The following SPATA17 variants were observed in gnomAD, a reference collection of about 807,000 sequenced individuals.
SPATA17 encodes spermatogenesis associated 17.
SPATA17 carries 53 observed loss-of-function variants against 62.2 expected under a neutral mutation model. The ratio of observed to expected loss-of-function variants is 0.85; its 90% confidence interval spans 0.68 to 1.07. The LOEUF (loss-of-function observed/expected upper bound fraction) is 1.07, where lower values mean the gene tolerates loss of function less well. SPATA17 is among the 50% of genes least tolerant of loss of function. SPATA17 has a pLI of 0.00. For missense variants in SPATA17, 466 were observed against 425.5 expected (o/e 1.10, Z -0.84); for synonymous variants, 146 against 146.8 (o/e 0.99, Z 0.04).
chr1:217,863,123 T>C (rs954873913), intron 10 of SPATA17, among the ~76,000 whole-genome samples: 24 of 145,564 alleles, frequency 1.6e-4, no homozygotes, highest in Admixed American at 7.5e-4. Context: ...CTCTTTCTTT[T>C]TTTTTTTTTT....
At position 217,815,771 on chromosome 1, in the gene SPATA17, A is replaced by G. The variant is rs144174788; in HGVS notation, c.1005+13921A>G. On this transcript the variant is annotated intron_variant, in intron 9 of 10. Transcript: ENST00000366933. The stretch of plus-strand genomic sequence containing the variant: ...AGAAGATATTCTTCCTCAAGACTGC[A>G]ACATCAATTCCTGTTTGTGTTTTCG... Among the ~76,000 whole-genome samples, 335 of 152,280 alleles carry G rather than the reference A, an allele frequency of 2.2e-3. 2 individuals are homozygous for G. Among genetic ancestry groups the G allele is most frequent in the African/African-American group, 6.6e-3 (276 of 41,572 alleles).
At chr1:217,830,280 T>C (rs1675109339) in intron 9 of SPATA17, among the ~76,000 whole-genome samples, 1 of 152,088 alleles carries the variant, frequency 6.6e-6, no homozygotes, top group Admixed American at 6.6e-5. Context: ...TTTTTAACCT[T>C]CTACAAAAAG....
At chr1:217,705,354 G>A (rs1337038533) in intron 5 of SPATA17, among the ~76,000 whole-genome samples, 1 of 135,592 alleles carries the variant, frequency 7.4e-6, no homozygotes, top group Non-Finnish European at 1.7e-5. Context: ...TCTGTAGGTT[G>A]TCTCTTTACT....
chr1:217,768,262 G>T (rs1158386768), intron 6 of SPATA17, among the ~76,000 whole-genome samples: 1 of 151,838 alleles, frequency 6.6e-6, no homozygotes, highest in East Asian at 1.9e-4. Context: ...AAATAAAGGA[G>T]ATGTGAAAAA....
At chr1:217,777,459 T>A (rs1673621578) in intron 7 of SPATA17, among the ~76,000 whole-genome samples, 1 of 152,176 alleles carries the variant, frequency 6.6e-6, no homozygotes, top group South Asian at 2.1e-4. Flanking sequence ...TGGAGTGCAG[T>A]GGAGGGATCT....
At chr1:217,738,964 TAAAAC>T (rs1217888265) in intron 5 of SPATA17, among the ~76,000 whole-genome samples, 9 of 152,020 alleles carry the variant, frequency 5.9e-5, no homozygotes, top group Non-Finnish European at 7.4e-5. Context: ...AAAGACAAAA[TAAAAC>T]AAAACAAAAA....
At chr1:217,792,400 A>G (rs1558053017) in intron 8 of SPATA17, among the ~76,000 whole-genome samples, 1 of 152,218 alleles carries the variant, frequency 6.6e-6, no homozygotes, top group East Asian at 1.9e-4. Context: ...AGGGGGCTGT[A>G]AAGACATGGC....
intron 9 of SPATA17, among the ~76,000 whole-genome samples, chr1:217,821,923 A>G (rs1674873759): frequency 6.6e-6 from 1 of 152,096 alleles, no homozygotes; most frequent in South Asian, 2.1e-4. Flanking sequence ...GTGGCTCTCT[A>G]CAAGGGGTGA....
At chr1:217,669,273 AAAACATGTAATTAT>A (rs1670781936) in intron 4 of SPATA17, among the ~76,000 whole-genome samples, 190 bp downstream of exon 4, 2 of 152,200 alleles carry the variant, frequency 1.3e-5, no homozygotes, top group Admixed American at 6.5e-5. Context: ...AGTAAAATGT[AAAACATGTAATTAT>A]AAATGCTTAT....
intron 5 of SPATA17, among the ~76,000 whole-genome samples, chr1:217,734,250 T>C (rs1672459074): frequency 6.6e-6 from 1 of 152,258 alleles, no homozygotes; most frequent in Non-Finnish European, 1.5e-5. Flanking sequence ...TAAATTAATG[T>C]GAACATATTC....
At chr1:217,675,167 G>A (rs1446019102) in intron 4 of SPATA17, among the ~76,000 whole-genome samples, 1 of 152,138 alleles carries the variant, frequency 6.6e-6, no homozygotes, top group Non-Finnish European at 1.5e-5. Flanking sequence ...TGTAGAGAAG[G>A]AGGATGGAAA....
chr1:217,694,113 A>C (rs1462716568), intron 5 of SPATA17, among the ~76,000 whole-genome samples: 1 of 17,552 alleles, frequency 5.7e-5, no homozygotes, highest in Non-Finnish European at 1.1e-4. Context: ...CCCATTATTA[A>C]TGTGTGGGAG....
chr1:217,680,115 G>C (rs1671044085), intron 4 of SPATA17, among the ~76,000 whole-genome samples: 1 of 152,088 alleles, frequency 6.6e-6, no homozygotes, highest in African/African-American at 2.4e-5. Context: ...AACTTCTATT[G>C]CTGATGACGG....
intron 9 of SPATA17, among the ~76,000 whole-genome samples, chr1:217,847,136 C>G (rs1675547652): frequency 6.6e-6 from 1 of 151,798 alleles, no homozygotes. Context: ...TTGTTCTATT[C>G]TATCCTCTCA....
intron 6 of SPATA17, among the ~76,000 whole-genome samples, chr1:217,767,047 G>A (rs2102967202): frequency 6.6e-6 from 1 of 152,084 alleles, no homozygotes; most frequent in East Asian, 1.9e-4. Flanking sequence ...TTCTTGTAAG[G>A]CATGTCTACT....
chr1:217,811,196 G>C (rs999061599), intron 9 of SPATA17, among the ~76,000 whole-genome samples: 7 of 151,950 alleles, frequency 4.6e-5, no homozygotes, highest in African/African-American at 1.7e-4. Flanking sequence ...ACCACACTCA[G>C]CTAATTTTTG....
chr1:217,660,185 T>G (rs1489201588), intron 3 of SPATA17, among the ~76,000 whole-genome samples: 1 of 152,180 alleles, frequency 6.6e-6, no homozygotes, highest in Admixed American at 6.5e-5. Context: ...AGACTTTACT[T>G]GAAGATCAAC....
At chr1:217,733,346 G>A (rs1672439782) in intron 5 of SPATA17, among the ~76,000 whole-genome samples, 1 of 152,150 alleles carries the variant, frequency 6.6e-6, no homozygotes, top group Non-Finnish European at 1.5e-5. Flanking sequence ...AGAGTTTCTA[G>A]TGAATGATCC....
intron 6 of SPATA17, among the ~76,000 whole-genome samples, chr1:217,763,972 C>T (rs1673238403): frequency 6.6e-6 from 1 of 152,090 alleles, no homozygotes; most frequent in African/African-American, 2.4e-5. Flanking sequence ...ACAGAAATTT[C>T]CTATATACTG....
Sources: allele counts gnomAD v4.1 joint callset (sites outside exome capture counted in the v4.1 genomes callset), GRCh38; gene constraint gnomAD v4.1.1; transcripts MANE v1.5; gene names NCBI Gene and HGNC (gene_info 2026-07-23, HGNC 2026-07-21).